The following PAPPA2 variants were observed in gnomAD, a reference collection of about 807,000 sequenced individuals.
PAPPA2 encodes pappalysin-2.
A neutral mutation model predicts 176.4 loss-of-function variants in PAPPA2; 86 were observed. The ratio of observed to expected loss-of-function variants is 0.49; its 90% confidence interval spans 0.41 to 0.58. The LOEUF is 0.58. PAPPA2 is among the 20% of genes least tolerant of loss of function. The pLI is 0.00. For missense variants in PAPPA2, 2,073 were observed against 2,256.9 expected, an observed-to-expected ratio of 0.92 and a Z score of 1.65; for synonymous variants, 809 against 852.2, an observed-to-expected ratio of 0.95 and a Z score of 0.88.
rs767323456 is a variant in PAPPA2 at position 176,820,130 on chromosome 1, A to AAAAAC, written c.5202+20013_5202+20017dup. Among the ~76,000 whole-genome samples the AAAAAC allele has an allele frequency of 7.9e-5, 12 of 152,278 alleles. No homozygotes were observed. In the South Asian group the frequency reaches 8.3e-4, roughly 11 times the overall value. ...AAGTCTTTGGATACTTAACCAAACT[A>AAAAAC]AAAACAAAACAAAACAAAAAAAAAC... On this transcript the variant is annotated intron_variant, in intron 21 of 22. Transcript: ENST00000367662.
At chr1:176,723,644 T>G (rs1326586942) in intron 12 of PAPPA2, among the ~76,000 whole-genome samples, 1 of 152,098 alleles carries the variant, frequency 6.6e-6, no homozygotes, top group Admixed American at 6.5e-5. Flanking sequence ...ACATTAGTCT[T>G]GAAAATATCT....
chr1:176,818,602 C>T (rs1000484355), intron 21 of PAPPA2, among the ~76,000 whole-genome samples: 1 of 83,656 alleles, frequency 1.2e-5, no homozygotes, highest in African/African-American at 9.5e-5. Flanking sequence ...ACCATCTGAC[C>T]CACTGCCCCC....
chr1:176,550,811 A>G (rs567447098), intron 1 of PAPPA2, among the ~76,000 whole-genome samples: 1 of 152,332 alleles, frequency 6.6e-6, no homozygotes, highest in African/African-American at 2.4e-5. Flanking sequence ...GGTGAAATCC[A>G]GATTTGCATT....
chr1:176,578,289 G>A (rs867694964), intron 2 of PAPPA2, among the ~76,000 whole-genome samples: 1 of 152,148 alleles, frequency 6.6e-6, no homozygotes, highest in East Asian at 1.9e-4. Flanking sequence ...CTTAGTATGT[G>A]ATGGCTGTGA....
intron 2 of PAPPA2, among the ~76,000 whole-genome samples, chr1:176,567,550 T>G (rs1275028751): frequency 1.3e-5 from 2 of 152,246 alleles, no homozygotes; most frequent in Non-Finnish European, 2.9e-5. Flanking sequence ...ATTTGTTCAT[T>G]CAATATTTAT....
intron 16 of PAPPA2, among the ~76,000 whole-genome samples, chr1:176,770,134 C>T (rs771611873): frequency 6.6e-6 from 1 of 152,110 alleles, no homozygotes; most frequent in Non-Finnish European, 1.5e-5. Flanking sequence ...TATTTACAGC[C>T]ATCCTTTGAG....
At position 176,800,133 on chromosome 1, in the gene PAPPA2, G is replaced by A; in HGVS notation, c.5202+1G>A. ...AGTCCACTGCATCCAGTCATGTGAG[G>A]TAAGATAGCCTCCCCTTCCCCAACT... is the stretch of plus-strand genomic sequence containing the variant. On this transcript the variant is annotated splice_donor_variant, in intron 21 of 22. Coordinates refer to ENST00000367662, the MANE Select transcript of PAPPA2 (RefSeq NM_020318.3). LOFTEE classifies it high-confidence loss of function. The A allele has an allele frequency of 6.2e-7, 1 of 1,613,944 alleles. No homozygotes were observed. The highest frequency in any genetic ancestry group is 8.5e-7 in the Non-Finnish European group (1 of 1,179,894).
chr1:176,718,195 T>TA (rs1268018971), intron 12 of PAPPA2, among the ~76,000 whole-genome samples: 4 of 152,080 alleles, frequency 2.6e-5, no homozygotes, highest in South Asian at 4.1e-4. Context: ...ATTTGTCCCT[T>TA]AAAAAAATCT....
chr1:176,804,144 T>C (rs1665796269), intron 21 of PAPPA2, among the ~76,000 whole-genome samples: 2 of 152,212 alleles, frequency 1.3e-5, no homozygotes, highest in Admixed American at 1.3e-4. Flanking sequence ...TCTAATGTCT[T>C]GTACATAATT....
intron 14 of PAPPA2, among the ~76,000 whole-genome samples, chr1:176,763,583 C>T (rs369875421): frequency 2.6e-5 from 4 of 152,248 alleles, no homozygotes; most frequent in South Asian, 2.1e-4. Flanking sequence ...GCAAGTCATG[C>T]GTTGAATATA....
chr1:176,481,554 G>T (rs1435920820), intron 1 of PAPPA2, among the ~76,000 whole-genome samples: 4 of 152,186 alleles, frequency 2.6e-5, no homozygotes, highest in Non-Finnish European at 5.9e-5. Context: ...TTGCTGAGGT[G>T]ACCAGTTGTC....
chr1:176,537,274 A>G (rs1035019367), intron 1 of PAPPA2: 10 of 152,318 alleles, frequency 6.6e-5, no homozygotes, highest in East Asian at 1.9e-4. Flanking sequence ...GGCTGACTCA[A>G]TGGACACCCA....
chr1:176,718,468 G>A (rs1337425952), intron 12 of PAPPA2, among the ~76,000 whole-genome samples: 1 of 151,700 alleles, frequency 6.6e-6, no homozygotes, highest in Non-Finnish European at 1.5e-5. Flanking sequence ...AACTTGAGGT[G>A]ATGCATAGGT....
At chr1:176,543,082 C>T (rs1650445535) in intron 1 of PAPPA2, among the ~76,000 whole-genome samples, 1 of 152,174 alleles carries the variant, frequency 6.6e-6, no homozygotes, top group Non-Finnish European at 1.5e-5. Flanking sequence ...CCACCTACAA[C>T]ATCTCTGTTA....
intron 3 of PAPPA2, among the ~76,000 whole-genome samples, chr1:176,607,370 C>T (rs975064862): frequency 3.9e-5 from 6 of 152,238 alleles, no homozygotes; most frequent in Admixed American, 3.3e-4. Flanking sequence ...TCTACTTCCA[C>T]ACTTCCTAAG....
At chr1:176,513,963 T>C (rs1203319592) in intron 1 of PAPPA2, among the ~76,000 whole-genome samples, 2 of 152,208 alleles carry the variant, frequency 1.3e-5, no homozygotes, top group Non-Finnish European at 2.9e-5. Flanking sequence ...CAAAGGGCTC[T>C]CATACATGCC....
chr1:176,666,600 T>TGAGAGAGA (rs1278287138), intron 3 of PAPPA2, among the ~76,000 whole-genome samples: 2 of 129,018 alleles, frequency 1.6e-5, no homozygotes, highest in African/African-American at 7.0e-5. Context: ...TGTGTGTGTG[T>TGAGAGAGA]GTGTGTGTGA....
chr1:176,710,564 T>C (rs915075002), intron 11 of PAPPA2, among the ~76,000 whole-genome samples: 1 of 152,278 alleles, frequency 6.6e-6, no homozygotes, highest in Non-Finnish European at 1.5e-5. Flanking sequence ...TTTCTGAATA[T>C]CCACCTAAAT....
chr1:176,833,574 G>T (rs1667158272), intron 21 of PAPPA2, among the ~76,000 whole-genome samples: 2 of 152,040 alleles, frequency 1.3e-5, no homozygotes, highest in African/African-American at 4.8e-5. Flanking sequence ...TTGGCCTTTG[G>T]GAAATGTTCT....
Sources: gnomAD v4.1 joint callset for allele counts (sites outside exome capture counted in the v4.1 genomes callset) on GRCh38, gnomAD v4.1.1 for gene constraint, MANE v1.5 for transcripts, NCBI Gene and HGNC (gene_info 2026-07-23, HGNC 2026-07-21) for gene names.